ZC3H12B: variants seen among roughly 807,000 people sequenced by gnomAD.
The protein encoded by ZC3H12B is probable ribonuclease ZC3H12B.
Under a neutral mutation model 43.9 loss-of-function variants are expected in ZC3H12B, and 7 were observed. The ratio of observed to expected loss-of-function variants is 0.16; its 90% CI spans 0.09 to 0.30. ZC3H12B has a LOEUF of 0.30. Ranked by LOEUF, ZC3H12B falls within the 10% of genes least tolerant of loss-of-function variation. The pLI is 1.00. For synonymous variants in ZC3H12B, 222 were observed against 241.7 expected (o/e 0.92, Z 0.76); for missense variants, 475 against 670.2 (o/e 0.71, Z 3.22).
the ZC3H12B span, among the ~76,000 whole-genome samples, chrX:65,212,837 G>A: frequency 9.6e-6 from 1 of 104,305 alleles, no homozygotes; most frequent in African/African-American, 3.5e-5. Flanking sequence ...TGTATCTCCA[G>A]CATCTAGCAC....
At chrX:65,117,895 G>A in the ZC3H12B span, among the ~76,000 whole-genome samples, 1 of 111,105 alleles carries the variant, frequency 9.0e-6, no homozygotes, top group South Asian at 3.8e-4. Context: ...TATTTCTGGA[G>A]GGTGTGTTCT....
chrX:65,293,573 A>G, the ZC3H12B span, among the ~76,000 whole-genome samples: 1 of 110,301 alleles, frequency 9.1e-6, no homozygotes, highest in Admixed American at 9.7e-5. Flanking sequence ...GGACCAGAGA[A>G]AGGTGAATAC....
chrX:65,388,045 C>T (rs1215930242), intron 2 of ZC3H12B, among the ~76,000 whole-genome samples: 2 of 111,980 alleles, frequency 1.8e-5, no homozygotes, highest in Non-Finnish European at 3.8e-5. Context: ...TTTGGGTAAC[C>T]TGACCTTTCT....
intron 3 of ZC3H12B, among the ~76,000 whole-genome samples, chrX:65,442,310 C>G (rs1012837919): frequency 9.1e-6 from 1 of 110,300 alleles, no homozygotes; most frequent in African/African-American, 3.3e-5. Flanking sequence ...TCTGAGCAGC[C>G]GAATCTGAAA....
the ZC3H12B span, among the ~76,000 whole-genome samples, chrX:65,035,008 G>C: frequency 8.9e-6 from 1 of 112,446 alleles, no homozygotes; most frequent in South Asian, 3.7e-4. Flanking sequence ...AGGAGGGTCC[G>C]GGCCGCTGGG....
At chrX:65,458,115 C>T (rs1357587839) in intron 3 of ZC3H12B, among the ~76,000 whole-genome samples, 2 of 88,037 alleles carry the variant, frequency 2.3e-5, no homozygotes, top group Non-Finnish European at 4.5e-5. Flanking sequence ...ACAAAGAAGG[C>T]CATTACATAA....
At chrX:65,502,164 C>T (rs957938005) in exon 5 of ZC3H12B, 2 of 1,208,830 alleles carry the variant, frequency 1.7e-6, no homozygotes, top group Non-Finnish European at 2.2e-6. Context: ...AACACCCGTT[C>T]GGCCAGCAGC....
At chrX:65,301,267 G>T in the ZC3H12B span, among the ~76,000 whole-genome samples, 2 of 111,622 alleles carry the variant, frequency 1.8e-5, no homozygotes, top group Non-Finnish European at 3.8e-5. Context: ...ACTATGGAAA[G>T]TTGTATGGAG....
the ZC3H12B span, among the ~76,000 whole-genome samples, chrX:65,278,773 T>C: frequency 1.8e-5 from 2 of 109,998 alleles, no homozygotes; most frequent in Non-Finnish European, 3.8e-5. Flanking sequence ...TACTCAATAG[T>C]TATCTTTTCT....
At chrX:65,300,797 G>T in the ZC3H12B span, among the ~76,000 whole-genome samples, 4 of 111,023 alleles carry the variant, frequency 3.6e-5, no homozygotes, top group South Asian at 1.5e-3. Context: ...AACAAAATTA[G>T]AACCATACCC....
At chrX:65,380,567 A>G (rs1039385334) in intron 2 of ZC3H12B, among the ~76,000 whole-genome samples, 3 of 111,629 alleles carry the variant, frequency 2.7e-5, no homozygotes, top group Non-Finnish European at 5.6e-5. Context: ...AAAAATAACC[A>G]GGTAACATCA....
At chrX:65,242,533 A>C in the ZC3H12B span, among the ~76,000 whole-genome samples, 1 of 112,389 alleles carries the variant, frequency 8.9e-6, no homozygotes, top group South Asian at 3.7e-4. Flanking sequence ...TGGAAGTATC[A>C]ATGTTGTTAA....
the ZC3H12B span, among the ~76,000 whole-genome samples, chrX:65,321,163 C>A: frequency 9.1e-6 from 1 of 109,839 alleles, no homozygotes; most frequent in Middle Eastern, 4.6e-3. Context: ...GATCTAATAA[C>A]CAGCATCTAT....
the ZC3H12B span, among the ~76,000 whole-genome samples, chrX:65,255,914 A>G: frequency 3.6e-5 from 4 of 112,453 alleles, no homozygotes; most frequent in Non-Finnish European, 7.5e-5. Context: ...CTGACTTTAA[A>G]CCAACAATAA....
At chrX:65,292,024 G>A in the ZC3H12B span, among the ~76,000 whole-genome samples, 804 of 111,680 alleles carry the variant, frequency 7.2e-3, 3 homozygotes, top group Non-Finnish European at 0.013. Flanking sequence ...TATGTGAGGT[G>A]ACAACTTATT....
chrX:65,362,449 A>T (rs981028965), upstream of ZC3H12B, among the ~76,000 whole-genome samples: 6 of 110,746 alleles, frequency 5.4e-5, no homozygotes, highest in African/African-American at 2.0e-4. Context: ...CCACTTGCCC[A>T]GTTCCCTTAT....
the ZC3H12B span, among the ~76,000 whole-genome samples, chrX:65,205,163 A>G: frequency 8.9e-6 from 1 of 112,117 alleles, no homozygotes; most frequent in South Asian, 3.6e-4. Context: ...AATAGAAAAT[A>G]CCAAATGTAT....
intron 2 of ZC3H12B, among the ~76,000 whole-genome samples, chrX:65,388,027 C>T (rs184912820): frequency 1.8e-5 from 2 of 112,252 alleles, no homozygotes; most frequent in Non-Finnish European, 3.8e-5. Context: ...GTCTGATGGG[C>T]TTCCCTTTTT....
chrX:65,316,215 T>C, the ZC3H12B span, among the ~76,000 whole-genome samples: 8 of 111,537 alleles, frequency 7.2e-5, no homozygotes, highest in Non-Finnish European at 1.3e-4. Flanking sequence ...AGCATTGAAA[T>C]AGAGAGAGAT....
Sources: gnomAD v4.1 joint callset for allele counts (sites outside exome capture counted in the v4.1 genomes callset) on GRCh38, gnomAD v4.1.1 for gene constraint, MANE v1.5 for transcripts, NCBI Gene and HGNC (gene_info 2026-07-23, HGNC 2026-07-21) for gene names.